DIP2C: variants seen among roughly 807,000 people sequenced by gnomAD.
The protein encoded by DIP2C is disco-interacting protein 2 homolog C.
DIP2C carries 33 observed loss-of-function variants against 192.4 expected under a neutral mutation model. That is an observed-to-expected ratio of 0.17 (90% CI 0.13 to 0.23). The LOEUF is 0.23. DIP2C is among the 10% of genes least tolerant of loss of function. The pLI is 1.00. For missense variants in DIP2C, 1,537 were observed against 2,110.1 expected (o/e 0.73, Z 5.32); for synonymous variants, 979 against 864.1 (o/e 1.13, Z -2.33).
intron 1 of DIP2C, among the ~76,000 whole-genome samples, chr10:499,237 A>G (rs1845060745): frequency 6.6e-6 from 1 of 152,092 alleles, no homozygotes; most frequent in Non-Finnish European, 1.5e-5. Flanking sequence ...GGTTTCCCAC[A>G]TGTGGTGCTG....
chr10:277,284 T>C lies in DIP2C; in HGVS notation c.*41A>G, dbSNP rs774825592. ...GCTTCAGTGGACACGGAGAACAATG[T>C]CTACATCTCTAGAAAAGTCCATGGA... On this transcript the variant is annotated 3_prime_UTR_variant, in exon 37 of 37. Coordinates refer to ENST00000280886, the MANE Select transcript of DIP2C (RefSeq NM_014974.3). The C allele has an allele frequency of 8.7e-6, 14 of 1,606,486 alleles. No individual in the cohort carries two copies. Among genetic ancestry groups the C allele is most frequent in the Non-Finnish European group, 1.2e-5 (14 of 1,177,566 alleles).
At chr10:317,750 T>G (rs567905137) in intron 31 of DIP2C, among the ~76,000 whole-genome samples, 47 of 152,322 alleles carry the variant, frequency 3.1e-4, no homozygotes, top group African/African-American at 1.1e-3. Flanking sequence ...TGGAGACAGA[T>G]GGAAAGACTC....
At chr10:512,579 C>T (rs1846084991) in intron 1 of DIP2C, among the ~76,000 whole-genome samples, 1 of 151,424 alleles carries the variant, frequency 6.6e-6, no homozygotes, top group Non-Finnish European at 1.5e-5. Flanking sequence ...AGTGAGACCC[C>T]ATCTCAAAAA....
At chr10:528,422 G>A (rs1400202175) in intron 1 of DIP2C, among the ~76,000 whole-genome samples, 1 of 151,012 alleles carries the variant, frequency 6.6e-6, no homozygotes, top group Non-Finnish European at 1.5e-5. Context: ...CCCCCAGAAC[G>A]CAGACCGCCC....
At chr10:663,042 C>G (rs749759010) in intron 1 of DIP2C, 16 of 649,740 alleles carry the variant, frequency 2.5e-5, no homozygotes, top group Non-Finnish European at 4.3e-5. Flanking sequence ...CACTCTGGAC[C>G]CTGCTGGGGC....
intron 4 of DIP2C, among the ~76,000 whole-genome samples, chr10:435,926 C>T (rs979274732): frequency 9.9e-5 from 15 of 152,070 alleles, no homozygotes; most frequent in East Asian, 1.9e-4. Flanking sequence ...TATGAGAATC[C>T]TATATAGAAC....
At chr10:405,909 C>A (rs10795103) in intron 9 of DIP2C, among the ~76,000 whole-genome samples, 87,472 of 152,048 alleles carry the variant, frequency 0.58, 25,225 homozygotes, top group East Asian at 0.71. Flanking sequence ...CAAGAGCTAC[C>A]GGCTCATCTT....
At chr10:486,700 A>G (rs1348647341) in intron 1 of DIP2C, 170 bp from the exon 2 acceptor site, 1 of 487,836 alleles carries the variant, frequency 2.0e-6, no homozygotes, top group African/African-American at 2.0e-5. Flanking sequence ...CCTGCTCTCG[A>G]ACAAAAGCCC....
At chr10:552,865 C>CA (rs1307374210) in intron 1 of DIP2C, among the ~76,000 whole-genome samples, 1 of 152,216 alleles carries the variant, frequency 6.6e-6, no homozygotes, top group Non-Finnish European at 1.5e-5. Flanking sequence ...AAGTGACGAA[C>CA]ACCCCATGTC....
intron 13 of DIP2C, among the ~76,000 whole-genome samples, chr10:388,014 C>T (rs1000284722): frequency 6.6e-6 from 1 of 152,182 alleles, no homozygotes; most frequent in Non-Finnish European, 1.5e-5. Flanking sequence ...GATATCCTGA[C>T]ACATGAGTGA....
chr10:534,701 GCT>G (rs1445700407), intron 1 of DIP2C, among the ~76,000 whole-genome samples: 5 of 144,406 alleles, frequency 3.5e-5, no homozygotes, highest in African/African-American at 1.3e-4. Context: ...ACGGAGTCTC[GCT>G]CTGTCGCCCA....
intron 1 of DIP2C, among the ~76,000 whole-genome samples, chr10:619,753 G>A (rs1437577944): frequency 1.3e-5 from 2 of 152,122 alleles, no homozygotes; most frequent in African/African-American, 4.8e-5. Context: ...AGAGCCCTCT[G>A]GTGCCTCCCC....
At chr10:309,564 T>C (rs1272189765) in intron 32 of DIP2C, among the ~76,000 whole-genome samples, 1 of 150,104 alleles carries the variant, frequency 6.7e-6, no homozygotes, top group Non-Finnish European at 1.5e-5. Flanking sequence ...GAGTTTCTTT[T>C]TTTTTTTTTT....
At position 379,922 on chromosome 10, in the gene DIP2C, G is replaced by C. The variant is rs376144286; in HGVS notation, c.1991+2725C>G. On this transcript the variant is annotated intron_variant, in intron 17 of 36. Coordinates refer to ENST00000280886, the MANE Select transcript of DIP2C (RefSeq NM_014974.3). ...GGCTGTCCCTGGATGATGGTTAACA[G>C]GCAGAAAAGGCTGTCCCTGGAAGAT... Among the ~76,000 whole-genome samples the C allele has an allele frequency of 5.9e-3, 797 of 135,894 alleles. 3 individuals are homozygous for C. The highest frequency in any genetic ancestry group is 0.015 in the East Asian group (65 of 4,306). The allele number at this position is 135,894 out of a possible 152,430, so 89.2% of individuals were successfully genotyped here.
intron 1 of DIP2C, among the ~76,000 whole-genome samples, chr10:557,610 A>G (rs1271142380): frequency 1.5e-5 from 2 of 134,964 alleles, no homozygotes; most frequent in Admixed American, 7.6e-5. Flanking sequence ...AAAAACAACA[A>G]TCTGTAAAAT....
chr10:337,704 G>GT (rs1957917659), intron 29 of DIP2C, among the ~76,000 whole-genome samples: 1 of 151,072 alleles, frequency 6.6e-6, no homozygotes, highest in South Asian at 2.1e-4. Flanking sequence ...CTGTGTGTGT[G>GT]TTGTGGAGGC....
intron 1 of DIP2C, among the ~76,000 whole-genome samples, chr10:632,016 G>A (rs561485326): frequency 1.0e-3 from 159 of 152,292 alleles, no homozygotes; most frequent in African/African-American, 3.8e-3. Context: ...TTTTGAGCTG[G>A]GAAGAGCCTG....
intron 1 of DIP2C, among the ~76,000 whole-genome samples, chr10:553,078 C>G (rs1296164234): frequency 2.0e-5 from 3 of 152,244 alleles, no homozygotes; most frequent in Non-Finnish European, 4.4e-5. Flanking sequence ...CCATGTTTCA[C>G]CAAGAGGCTC....
chr10:535,846 T>C (rs1215826639), intron 1 of DIP2C, among the ~76,000 whole-genome samples: 1 of 152,218 alleles, frequency 6.6e-6, no homozygotes, highest in Non-Finnish European at 1.5e-5. Context: ...GCTCTTGCAG[T>C]GTACTCTGAG....
Sources: gnomAD v4.1 joint callset for allele counts (sites outside exome capture counted in the v4.1 genomes callset) on GRCh38, gnomAD v4.1.1 for gene constraint, MANE v1.5 for transcripts, NCBI Gene and HGNC (gene_info 2026-07-23, HGNC 2026-07-21) for gene names.